Variants in PUM1 observed in about 807,000 individuals in gnomAD.
The protein encoded by PUM1 is pumilio RNA binding family member 1, also known as pumilio homolog 1.
A neutral mutation model predicts 131.8 loss-of-function variants in PUM1; 13 were observed. That is an observed-to-expected ratio of 0.10 (90% CI 0.06 to 0.16). The LOEUF is 0.16. Ranked by LOEUF, PUM1 falls within the 10% of genes least tolerant of loss-of-function variation. The probability of loss-of-function intolerance (pLI) is 1.00; values close to 1 mark genes in which losing one functional copy is unlikely to be tolerated. For synonymous variants in PUM1, 509 were observed against 556.5 expected (o/e 0.91, Z 1.20); for missense variants, 961 against 1,512.4 (o/e 0.64, Z 6.05).
chr1:31,009,237 G>A (rs1029140851), intron 3 of PUM1, among the ~76,000 whole-genome samples: 1 of 151,046 alleles, frequency 6.6e-6, no homozygotes, highest in African/African-American at 2.4e-5. Context: ...TTTCCTCATT[G>A]GTTATACCCT....
chr1:31,056,609 C>CT (rs57685772), intron 2 of PUM1, among the ~76,000 whole-genome samples: 1,259 of 43,658 alleles, frequency 0.029, 197 homozygotes, highest in Non-Finnish European at 0.039. Flanking sequence ...CTTTTCTTTT[C>CT]TTTTTTTTTT....
rs1055866746 is a variant in PUM1, at chr1:30,943,263, A to AT, written c.2995-1141dup. Among the ~76,000 whole-genome samples the AT allele has an allele frequency of 3.5e-3, 513 of 146,370 alleles. 3 individuals carry two copies. The highest frequency in any genetic ancestry group is 9.0e-3 in the African/African-American group (363 of 40,144). On this transcript the variant is annotated intron_variant, in intron 18 of 21. Coordinates refer to ENST00000426105, the MANE Select transcript of PUM1 (RefSeq NM_001020658.2). ...TTATTCTGCATGGTATATACAAAGA[A>AT]TTTTTTTTTTTTTTATTAGACAGAG...
Position 30,952,322 on chromosome 1 carries a change from C to T in PUM1, c.2633G>A (p.Arg878His), listed in dbSNP as rs1206383966. 7 of 1,612,934 alleles carry T rather than the reference C, an allele frequency of 4.3e-6. No homozygotes were observed. Among genetic ancestry groups the T allele is most frequent in the African/African-American group, 1.3e-5 (1 of 74,896 alleles). ...GAGGATTTCATTGAAGACAAGCTGG[C>T]GCTCAGCTGGTGTGGCACGCTCCAG... ...LKLERATPAERQLVFNEILQA... is the reference protein window; with the variant it reads ...LKLERATPAEHQLVFNEILQA... The change falls in exon 16 of 22, where the codon CGC (arginine) becomes CAC (histidine). Residue 878 changes from arginine (R) to histidine (H), a missense_variant. Transcript: ENST00000426105.
chr1:30,979,393 A>G (rs1462044455), intron 9 of PUM1, among the ~76,000 whole-genome samples: 1 of 152,216 alleles, frequency 6.6e-6, no homozygotes, highest in Non-Finnish European at 1.5e-5. Flanking sequence ...GTACATATGT[A>G]GAGACCTGTA....
intron 10 of PUM1, among the ~76,000 whole-genome samples, chr1:30,969,522 G>A (rs1640785814): frequency 6.6e-6 from 1 of 151,998 alleles, no homozygotes; most frequent in Non-Finnish European, 1.5e-5. Flanking sequence ...CACCAGATTC[G>A]ATTTGGTAGG....
At chr1:30,956,502 G>C (rs1409590963) in intron 14 of PUM1, among the ~76,000 whole-genome samples, 1 of 152,260 alleles carries the variant, frequency 6.6e-6, no homozygotes, top group Non-Finnish European at 1.5e-5. Flanking sequence ...GACCTCATGT[G>C]ATCCGCCCAT....
chr1:30,932,935 G>T lies in PUM1; in HGVS notation c.*276C>A. The stretch of plus-strand genomic sequence containing the variant: ...GTGAACAAAATATGTGGCCTCCCAT[G>T]TACATTGGTTACCTATGTACAAGTA... On this transcript the variant is annotated 3_prime_UTR_variant, in exon 22 of 22. Transcript: ENST00000426105. 4.0e-6 allele frequency: 1 copy of T among 251,904 alleles called. No individual in the cohort carries two copies. The highest frequency in any genetic ancestry group is 7.4e-6 in the Non-Finnish European group (1 of 135,634). 15.6% of individuals were successfully genotyped at this position (251,904 alleles called of 1,614,324 possible). A position where few individuals can be genotyped will look rare whatever the true frequency, so the allele number is the denominator to read the frequency against.
chr1:30,998,987 GTGTTTT>G (rs151177933), intron 5 of PUM1, among the ~76,000 whole-genome samples: 3,442 of 151,892 alleles, frequency 0.023, 50 homozygotes, highest in East Asian at 0.04. Flanking sequence ...TAGCTGTGTG[GTGTTTT>G]TGTTTTTGTT....
chr1:31,006,157 T>G, intron 4 of PUM1, 126 bp from the exon 5 acceptor site: 1 of 677,088 alleles, frequency 1.5e-6, no homozygotes, highest in African/African-American at 1.8e-5. Context: ...AAACCTCCTA[T>G]CATGTCCCTC....
chr1:30,971,462 T>C (rs1484409604), intron 10 of PUM1, among the ~76,000 whole-genome samples: 1 of 152,248 alleles, frequency 6.6e-6, no homozygotes, highest in Non-Finnish European at 1.5e-5. Flanking sequence ...AGTTAATGAT[T>C]ATTATGTCCA....
intron 21 of PUM1, 140 bp from the exon 22 acceptor site, chr1:30,933,482 A>ACC (rs1234784538): frequency 4.0e-5 from 31 of 780,856 alleles, no homozygotes; most frequent in Non-Finnish European, 4.4e-5. Flanking sequence ...ACACACACAC[A>ACC]CACCCCTACA....
At chr1:31,045,146 T>G (rs1570344052) in intron 2 of PUM1, among the ~76,000 whole-genome samples, 1 of 150,820 alleles carries the variant, frequency 6.6e-6, no homozygotes, top group East Asian at 2.0e-4. Context: ...AAAGCTGCTT[T>G]TTTTTTTTTT....
chr1:31,016,628 A>G (rs1278145747), intron 3 of PUM1, among the ~76,000 whole-genome samples: 1 of 152,176 alleles, frequency 6.6e-6, no homozygotes, highest in Non-Finnish European at 1.5e-5. Flanking sequence ...CACCAAAAAA[A>G]CTGTCTAAGA....
intron 2 of PUM1, among the ~76,000 whole-genome samples, chr1:31,047,054 G>A (rs1643985349): frequency 6.6e-6 from 1 of 152,130 alleles, no homozygotes; most frequent in Non-Finnish European, 1.5e-5. Flanking sequence ...AGCCAGGCAT[G>A]GTGGTGCACA....
At chr1:30,993,231 T>C (rs1641858638) in intron 6 of PUM1, among the ~76,000 whole-genome samples, 2 of 151,472 alleles carry the variant, frequency 1.3e-5, no homozygotes, top group Admixed American at 6.6e-5. Context: ...TCCAAAGTAG[T>C]ACAAGATGAA....
intron 5 of PUM1, among the ~76,000 whole-genome samples, chr1:31,001,137 T>C (rs910700203): frequency 2.0e-5 from 3 of 152,026 alleles, no homozygotes; most frequent in South Asian, 2.1e-4. Context: ...TGAGCCGAGA[T>C]TGCGCCACTG....
chr1:31,007,456 A>G (rs1254423249), intron 3 of PUM1, among the ~76,000 whole-genome samples: 1 of 152,214 alleles, frequency 6.6e-6, no homozygotes, highest in Non-Finnish European at 1.5e-5. Flanking sequence ...ACTCTTACTG[A>G]AAAAGAAAGT....
At chr1:30,958,678 A>G (rs1206612653) in intron 14 of PUM1, among the ~76,000 whole-genome samples, 1 of 152,122 alleles carries the variant, frequency 6.6e-6, no homozygotes, top group Non-Finnish European at 1.5e-5. Context: ...TCTCTTTGAG[A>G]TGGGAAGTAG....
chr1:30,951,245 A>G lies in PUM1; in HGVS notation c.2722-984T>C, dbSNP rs1639921987. Among the ~76,000 whole-genome samples the G allele has an allele frequency of 2.0e-5, 3 of 152,218 alleles. No homozygotes were observed. In the South Asian group the frequency reaches 6.2e-4, roughly 32 times the overall value. ...GTCACCCCAAGGTGCATCAGCCTCC[A>G]GAACTAGAAAGCTCAGTATTTTTAT... On this transcript the variant is annotated intron_variant, in intron 16 of 21. Coordinates refer to ENST00000426105, the MANE Select transcript of PUM1 (RefSeq NM_001020658.2).
Sources: gnomAD v4.1 joint callset for allele counts (sites outside exome capture counted in the v4.1 genomes callset) on GRCh38, gnomAD v4.1.1 for gene constraint, MANE v1.5 for transcripts, NCBI Gene and HGNC (gene_info 2026-07-23, HGNC 2026-07-21) for gene names.